The following FBN2 variants were observed in gnomAD, a reference collection of about 807,000 sequenced individuals.
The protein encoded by FBN2 is fibrillin 2.
FBN2 carries 105 observed loss-of-function variants against 355.6 expected under a neutral mutation model. The ratio of observed to expected loss-of-function variants is 0.30; its 90% CI spans 0.25 to 0.35. FBN2 has a LOEUF of 0.35. Among genes scored for constraint, FBN2 ranks in the 10% least tolerant of loss-of-function variants. The pLI is 1.00. For synonymous variants in FBN2, 1,350 were observed against 1,301.2 expected (o/e 1.04, Z -0.81); for missense variants, 3,280 against 3,758.7 (o/e 0.87, Z 3.33).
chr5:128,420,560 T>A (rs1462370289), intron 7 of FBN2, among the ~76,000 whole-genome samples: 1 of 152,208 alleles, frequency 6.6e-6, no homozygotes, highest in Non-Finnish European at 1.5e-5. Context: ...ATCAAAGGTA[T>A]TTTTTATAGA....
chr5:128,319,142 T>C (rs1309310793), intron 34 of FBN2, 141 bp from the exon 35 acceptor site: 1 of 659,956 alleles, frequency 1.5e-6, no homozygotes, highest in African/African-American at 1.8e-5. Flanking sequence ...TTTGGCTAGG[T>C]AGATAAGTGT....
chr5:128,334,246 CAAGAAAGGAAAAGATGGGAGAAAGG>C (rs1476201375), intron 31 of FBN2, among the ~76,000 whole-genome samples: 1 of 151,832 alleles, frequency 6.6e-6, no homozygotes, highest in African/African-American at 2.4e-5. Context: ...GAAGAGCAAA[CAAGAAAGGAAAAGATGGGAGAAAGG>C]AAGAAAGGGA....
rs569350501 is a variant in FBN2 at position 128,321,458 on chromosome 5, C to T, written c.4472-2457G>A. Among the ~76,000 whole-genome samples, 27 of 152,218 alleles carry T rather than the reference C, an allele frequency of 1.8e-4. No individual in the cohort carries two copies. In the South Asian group the frequency reaches 5.0e-3, roughly 28 times the overall value. On this transcript the variant is annotated intron_variant, in intron 34 of 64. Transcript: ENST00000262464. ...ATCCCTCCCCTAGCCCCTCACCCTC[C>T]GACAGGCCCCAGTGTGTGATGTTTC...
intron 5 of FBN2, among the ~76,000 whole-genome samples, chr5:128,473,847 C>A (rs1257425317): frequency 6.6e-6 from 1 of 152,166 alleles, no homozygotes; most frequent in African/African-American, 2.4e-5. Context: ...TTCGTTTCTG[C>A]AAATAAATGA....
At chr5:128,520,698 T>A (rs1301831447) in intron 4 of FBN2, among the ~76,000 whole-genome samples, 1 of 152,150 alleles carries the variant, frequency 6.6e-6, no homozygotes, top group Non-Finnish European at 1.5e-5. Context: ...TAAAAGATGA[T>A]CTTGACCTTA....
chr5:128,445,655 G>T (rs1350281451), intron 7 of FBN2, among the ~76,000 whole-genome samples: 1 of 152,058 alleles, frequency 6.6e-6, no homozygotes, highest in African/African-American at 2.4e-5. Context: ...ATACTCTATT[G>T]CCTTTAGAAA....
intron 7 of FBN2, among the ~76,000 whole-genome samples, chr5:128,417,757 T>C (rs1440233505): frequency 6.6e-6 from 1 of 152,188 alleles, no homozygotes; most frequent in Non-Finnish European, 1.5e-5. Flanking sequence ...TTGCTACTAT[T>C]TTGTTGGGGA....
intron 5 of FBN2, among the ~76,000 whole-genome samples, chr5:128,491,658 C>G (rs546589161): frequency 7.2e-5 from 11 of 152,144 alleles, no homozygotes; most frequent in Non-Finnish European, 1.2e-4. Context: ...GCTCCAAAAT[C>G]TGAAGAGGGT....
At chr5:128,500,610 A>G (rs1012273026) in intron 5 of FBN2, among the ~76,000 whole-genome samples, 1 of 151,456 alleles carries the variant, frequency 6.6e-6, no homozygotes, top group African/African-American at 2.4e-5. Flanking sequence ...GCACCCGGCT[A>G]ATTTTTTGTA....
chr5:128,361,870 T>C (rs779419590), intron 18 of FBN2, 22 bp from the exon 19 acceptor site: 14 of 1,612,188 alleles, frequency 8.7e-6, no homozygotes, highest in Middle Eastern at 1.7e-4. Context: ...GATTGAAAGA[T>C]AGGAGATACA....
intron 5 of FBN2, among the ~76,000 whole-genome samples, chr5:128,509,139 T>C (rs1756043601): frequency 6.6e-6 from 1 of 152,126 alleles, no homozygotes; most frequent in South Asian, 2.1e-4. Context: ...ATAGCATTTA[T>C]CAAATTTGGA....
At chr5:128,281,400 A>G (rs1263572856) in intron 55 of FBN2, among the ~76,000 whole-genome samples, 1 of 152,196 alleles carries the variant, frequency 6.6e-6, no homozygotes, top group Non-Finnish European at 1.5e-5. Flanking sequence ...TTCAACACAC[A>G]TTCTTAATGA....
intron 39 of FBN2, among the ~76,000 whole-genome samples, chr5:128,310,400 ATATT>A (rs1231410551): frequency 4.7e-3 from 62 of 13,246 alleles, no homozygotes; most frequent in African/African-American, 0.016. Flanking sequence ...ATATATATAT[ATATT>A]TTTTTTTTTT....
At chr5:128,335,395 C>A in intron 29 of FBN2, 60 bp downstream of exon 29, 1 of 1,612,210 alleles carries the variant, frequency 6.2e-7, no homozygotes, top group Non-Finnish European at 8.5e-7. Flanking sequence ...ATATCTGGAG[C>A]CATATTTTCA....
intron 48 of FBN2, among the ~76,000 whole-genome samples, chr5:128,293,531 A>G (rs1749395081): frequency 6.6e-6 from 1 of 152,084 alleles, no homozygotes; most frequent in African/African-American, 2.4e-5. Context: ...TTTTTCAGAG[A>G]TGCAAACTAG....
At chr5:128,433,810 A>T (rs1204971998) in intron 7 of FBN2, among the ~76,000 whole-genome samples, 3 of 152,204 alleles carry the variant, frequency 2.0e-5, no homozygotes, top group Non-Finnish European at 4.4e-5. Context: ...TATACCTCAG[A>T]TAGTTTTATA....
rs540295985 is a variant in FBN2, at chr5:128,515,273, G to T, written c.628+4000C>A. 1.6e-4 allele frequency among the ~76,000 whole-genome samples: 24 copies of T among 152,276 alleles called. No homozygotes were observed. The South Asian group carries it at 2.1e-3, about 13-fold the overall frequency. ...TAAAAATGTATACAATAATTAAAGA[G>T]TTTATAATTAGAAGCCAAGTTGCCA... is the stretch of plus-strand genomic sequence containing the variant. On this transcript the variant is annotated intron_variant, in intron 5 of 64. Transcript: ENST00000262464.
chr5:128,534,692 A>G (rs770671305), intron 2 of FBN2, among the ~76,000 whole-genome samples: 1 of 152,200 alleles, frequency 6.6e-6, no homozygotes, highest in African/African-American at 2.4e-5. Context: ...AGATTTTCAA[A>G]GCTGATTTTC....
chr5:128,289,332 C>G, intron 51 of FBN2, 80 bp from the exon 52 acceptor site: 1 of 1,512,662 alleles, frequency 6.6e-7, no homozygotes, highest in Non-Finnish European at 9.1e-7. Context: ...CTTATAAATC[C>G]CAGCACTTTG....
Sources: gnomAD v4.1 joint callset for allele counts (sites outside exome capture counted in the v4.1 genomes callset) on GRCh38, gnomAD v4.1.1 for gene constraint, MANE v1.5 for transcripts, NCBI Gene and HGNC (gene_info 2026-07-23, HGNC 2026-07-21) for gene names.